Variants in NCALD observed in about 807,000 individuals in gnomAD.
NCALD encodes the protein neurocalcin-delta.
In NCALD, 10 loss-of-function variants were observed where a neutral mutation model predicts 18.6. The ratio of observed to expected loss-of-function variants is 0.54; its 90% confidence interval spans 0.33 to 0.91. NCALD has a LOEUF of 0.91. Ranked by LOEUF, NCALD falls within the 40% of genes least tolerant of loss-of-function variation. The pLI is 0.03. For synonymous variants in NCALD, 88 were observed against 87.4 expected (o/e 1.01, Z -0.04); for missense variants, 184 against 247.6 (o/e 0.74, Z 1.72).
intron 4 of NCALD, among the ~76,000 whole-genome samples, chr8:101,879,303 A>G (rs1262797607): frequency 1.3e-5 from 2 of 152,080 alleles, no homozygotes; most frequent in East Asian, 1.9e-4. Flanking sequence ...AGACGTGTTC[A>G]GAGTTTGGTC....
intron 2 of NCALD, among the ~76,000 whole-genome samples, chr8:101,945,800 A>G (rs544840915): frequency 6.6e-6 from 1 of 152,250 alleles, no homozygotes; most frequent in Non-Finnish European, 1.5e-5. Context: ...TAGAGAACCT[A>G]TCTCCTGCCA....
At chr8:102,081,055 T>C (rs1824511144) in intron 1 of NCALD, among the ~76,000 whole-genome samples, 1 of 152,202 alleles carries the variant, frequency 6.6e-6, no homozygotes, top group African/African-American at 2.4e-5. Context: ...ACCCCTCTTT[T>C]TACCTTCTGA....
In NCALD at chr8:101,810,573, C is replaced by T. The variant is rs138809537; in HGVS notation, c.-20+76568G>A. ...GAATTTATATTTATATTTTCATAGC[C>T]CAAATTTCCATTTAGTAGCATCTGA... On this transcript the variant is annotated intron_variant, in intron 4 of 6. Transcript: ENST00000311028. Among the ~76,000 whole-genome samples the T allele has an allele frequency of 8.4e-3, 1,272 of 152,148 alleles. 13 individuals are homozygous for T. The highest frequency in any genetic ancestry group is 0.013 in the Non-Finnish European group (886 of 68,006).
chr8:101,690,079 TGGA>T (rs1814651411), intron 3 of NCALD, among the ~76,000 whole-genome samples: 1 of 151,838 alleles, frequency 6.6e-6, no homozygotes, highest in Non-Finnish European at 1.5e-5. Flanking sequence ...CCTGATGTGC[TGGA>T]GGAGGGAGGC....
At chr8:102,124,013 G>A (rs1027131879) in intron 1 of NCALD, 1 of 152,408 alleles carries the variant, frequency 6.6e-6, no homozygotes, top group Admixed American at 6.5e-5. Flanking sequence ...TTCCCTCAGA[G>A]GCACTGGGGG....
chr8:101,837,321 C>A (rs145524650), intron 4 of NCALD, among the ~76,000 whole-genome samples: 1 of 152,122 alleles, frequency 6.6e-6, no homozygotes, highest in African/African-American at 2.4e-5. Flanking sequence ...GTGTCTAGTG[C>A]GGTTTTCTAC....
chr8:101,932,924 C>T (rs1156875096), intron 2 of NCALD, among the ~76,000 whole-genome samples: 1 of 152,206 alleles, frequency 6.6e-6, no homozygotes, highest in Non-Finnish European at 1.5e-5. Context: ...CACACACACA[C>T]AAAATTTAGA....
chr8:102,124,383 G>A (rs1208185777), upstream of NCALD: 1 of 151,818 alleles, frequency 6.6e-6, no homozygotes, highest in African/African-American at 2.4e-5. Flanking sequence ...CCCTCCTCGC[G>A]GCCGCAGACC....
At chr8:101,696,498 A>G (rs986537696) in intron 2 of NCALD, among the ~76,000 whole-genome samples, 2 of 152,172 alleles carry the variant, frequency 1.3e-5, no homozygotes, top group African/African-American at 2.4e-5. Flanking sequence ...GGTGAGCAAA[A>G]CACCATGTGG....
intron 4 of NCALD, among the ~76,000 whole-genome samples, chr8:101,837,188 C>G (rs1814447975): frequency 6.6e-6 from 1 of 152,126 alleles, no homozygotes; most frequent in Non-Finnish European, 1.5e-5. Context: ...TCATTAGGAA[C>G]CTAAATCTAC....
rs111557577 is a variant in NCALD at position 102,015,690 on chromosome 8, G to A, written c.-157+4547C>T. ...AGGACACAAGGCAACGAAGTGAACT[G>A]AGTTTACCAAGAGTGGCATGCCCTT... On this transcript the variant is annotated intron_variant, in intron 2 of 6. Transcript: ENST00000311028. Among the ~76,000 whole-genome samples the A allele has an allele frequency of 6.9e-3, 1,050 of 152,284 alleles. 11 individuals are homozygous for A. Among genetic ancestry groups the A allele is most frequent in the African/African-American group, 0.024 (977 of 41,560 alleles).
intron 1 of NCALD, among the ~76,000 whole-genome samples, chr8:101,727,313 A>G (rs1816615704): frequency 6.6e-6 from 1 of 152,200 alleles, no homozygotes; most frequent in African/African-American, 2.4e-5. Context: ...TTCCATTGTC[A>G]GCACCTCAAT....
intron 2 of NCALD, among the ~76,000 whole-genome samples, chr8:101,993,527 G>A (rs920638040): frequency 5.3e-5 from 8 of 152,278 alleles, no homozygotes; most frequent in African/African-American, 1.4e-4. Context: ...AGTAACACTG[G>A]GTGGGAAACT....
chr8:101,872,402 C>A (rs2131412950), intron 4 of NCALD: 2 of 1,459,188 alleles, frequency 1.4e-6, no homozygotes, highest in East Asian at 4.5e-5. Context: ...AAAGTCATAT[C>A]TTCGTATGTT....
At chr8:101,699,444 A>G (rs1815156355) in intron 2 of NCALD, among the ~76,000 whole-genome samples, 1 of 152,246 alleles carries the variant, frequency 6.6e-6, no homozygotes, top group Non-Finnish European at 1.5e-5. Context: ...TCATTCTACT[A>G]TAAAGACACA....
chr8:101,903,033 T>C (rs1403247639), intron 3 of NCALD, among the ~76,000 whole-genome samples: 1 of 152,174 alleles, frequency 6.6e-6, no homozygotes, highest in South Asian at 2.1e-4. Flanking sequence ...GACATATTTC[T>C]GTGAGGTCAC....
At chr8:102,000,239 G>A (rs1338924506) in intron 2 of NCALD, among the ~76,000 whole-genome samples, 1 of 152,168 alleles carries the variant, frequency 6.6e-6, no homozygotes, top group African/African-American at 2.4e-5. Flanking sequence ...TCCGCGCCTG[G>A]CTCAGAGGGT....
At chr8:101,859,442 C>T (rs1815451040) in intron 4 of NCALD, among the ~76,000 whole-genome samples, 1 of 152,120 alleles carries the variant, frequency 6.6e-6, no homozygotes, top group African/African-American at 2.4e-5. Context: ...CTCCTCTTCA[C>T]ATATACATAT....
chr8:101,767,064 C>T (rs1811379531), intron 1 of NCALD, among the ~76,000 whole-genome samples: 1 of 152,104 alleles, frequency 6.6e-6, no homozygotes, highest in South Asian at 2.1e-4. Context: ...GTTGAGTTTT[C>T]CCCCTTCAGG....
Sources: allele counts gnomAD v4.1 joint callset (sites outside exome capture counted in the v4.1 genomes callset), GRCh38; gene constraint gnomAD v4.1.1; transcripts MANE v1.5; gene names NCBI Gene and HGNC (gene_info 2026-07-23, HGNC 2026-07-21).